SHISA9: variants seen among roughly 807,000 people sequenced by gnomAD.
SHISA9 encodes shisa family member 9.
SHISA9 carries 13 observed loss-of-function variants against 38.0 expected under a neutral mutation model. The ratio of observed to expected loss-of-function variants is 0.34; its 90% CI spans 0.22 to 0.54. The LOEUF (loss-of-function observed/expected upper bound fraction) is 0.54. Ranked by LOEUF, SHISA9 falls within the 20% of genes least tolerant of loss-of-function variation. The pLI, the probability that SHISA9 is intolerant of heterozygous loss-of-function variation, is 0.91. For synonymous variants in SHISA9, 275 were observed against 242.0 expected (o/e 1.14, Z -1.27); for missense variants, 538 against 575.8 (o/e 0.93, Z 0.67).
intron 2 of SHISA9, among the ~76,000 whole-genome samples, chr16:13,180,386 T>C (rs897705049): frequency 6.6e-6 from 1 of 152,150 alleles, no homozygotes; most frequent in African/African-American, 2.4e-5. Flanking sequence ...TGGCTGACCT[T>C]GGTGCTTAGA....
the SHISA9 span, among the ~76,000 whole-genome samples, chr16:13,320,287 T>C: frequency 2.5e-4 from 13 of 52,046 alleles, no homozygotes; most frequent in African/African-American, 3.8e-4. Context: ...AGCGAGACTC[T>C]GTCTCAAAAA....
chr16:13,081,140 T>A (rs2073644249), intron 2 of SHISA9, among the ~76,000 whole-genome samples: 1 of 152,258 alleles, frequency 6.6e-6, no homozygotes, highest in Non-Finnish European at 1.5e-5. Context: ...ATTGGGGTTT[T>A]CAAAACCATT....
At chr16:12,948,199 C>T (rs1338757767) in intron 2 of SHISA9, among the ~76,000 whole-genome samples, 1 of 152,186 alleles carries the variant, frequency 6.6e-6, no homozygotes, top group Non-Finnish European at 1.5e-5. Context: ...GAGATGTCTA[C>T]TCATTTGCTC....
At chr16:13,224,133 C>G (rs1195888167) in intron 4 of SHISA9, among the ~76,000 whole-genome samples, 1 of 152,212 alleles carries the variant, frequency 6.6e-6, no homozygotes, top group African/African-American at 2.4e-5. Context: ...ATAGAACACA[C>G]ACTTAAGAAA....
chr16:13,188,304 C>T (rs1318855144), intron 2 of SHISA9, among the ~76,000 whole-genome samples: 1 of 152,184 alleles, frequency 6.6e-6, no homozygotes, highest in African/African-American at 2.4e-5. Flanking sequence ...ACAGCAGGTG[C>T]CTGCAAAACA....
chr16:13,519,924 T>C, the SHISA9 span, among the ~76,000 whole-genome samples: 1 of 152,270 alleles, frequency 6.6e-6, no homozygotes, highest in East Asian at 1.9e-4. Flanking sequence ...CAGATGAGAT[T>C]TGGGTGGGGA....
At chr16:13,106,964 C>T (rs1001874804) in intron 2 of SHISA9, among the ~76,000 whole-genome samples, 1 of 84,834 alleles carries the variant, frequency 1.2e-5, no homozygotes, top group African/African-American at 4.2e-5. Flanking sequence ...CTCTTTCTCA[C>T]GTTCTCTCTC....
At chr16:13,278,849 A>AT in the SHISA9 span, among the ~76,000 whole-genome samples, 1 of 151,454 alleles carries the variant, frequency 6.6e-6, no homozygotes, top group Non-Finnish European at 1.5e-5. Flanking sequence ...AATTTTATTC[A>AT]TTTTTTCAAA....
intron 2 of SHISA9, among the ~76,000 whole-genome samples, chr16:12,994,895 C>T (rs1567175723): frequency 6.6e-6 from 1 of 152,040 alleles, no homozygotes; most frequent in Admixed American, 6.6e-5. Context: ...TCTGAGATAC[C>T]TGTGAGGTTC....
the SHISA9 span, among the ~76,000 whole-genome samples, chr16:13,312,459 G>T: frequency 1.3e-5 from 2 of 152,104 alleles, no homozygotes; most frequent in Non-Finnish European, 2.9e-5. Context: ...TTGAACACTT[G>T]CTGAAAATCA....
chr16:12,902,074 G>T lies in SHISA9; in HGVS notation c.10G>T (p.Val4Phe). The T allele has an allele frequency of 2.0e-6, 3 of 1,487,556 alleles. No homozygotes were observed. The highest frequency in any genetic ancestry group is 1.8e-6 in the Non-Finnish European group (2 of 1,127,424). The allele number at this position is 1,487,556 out of a possible 1,614,324, so 92.1% of individuals were successfully genotyped here. Residue 4 changes from valine (V) to phenylalanine (F), a missense_variant, in exon 1 of 5, where the codon GTC becomes TTC. This residue lies in a region of SHISA9 where 107 missense variants were observed against 103.0 expected (regional missense o/e 1.04). Transcript: ENST00000558583. ...CGGGCTGGGAGACACCATGCGCCGC[G>T]TCCTTCGGCTGCTCCTCGGTTGCTT... MRR[V>F]LRLLLGCFLT...
At chr16:13,078,315 A>G (rs2073607607) in intron 2 of SHISA9, among the ~76,000 whole-genome samples, 1 of 152,206 alleles carries the variant, frequency 6.6e-6, no homozygotes, top group Admixed American at 6.5e-5. Context: ...GTTACTTATA[A>G]TGACTAATAC....
At chr16:13,339,787 A>C in the SHISA9 span, among the ~76,000 whole-genome samples, 277 of 152,334 alleles carry the variant, frequency 1.8e-3, 1 homozygote, top group East Asian at 0.038. Flanking sequence ...CTTAACTCTG[A>C]GTGCCTCAGT....
At chr16:13,091,113 G>A (rs891009990) in intron 2 of SHISA9, among the ~76,000 whole-genome samples, 3 of 152,230 alleles carry the variant, frequency 2.0e-5, no homozygotes, top group African/African-American at 7.2e-5. Context: ...CTTTAAGAAT[G>A]TTGAATATTG....
At chr16:13,373,633 G>A in the SHISA9 span, among the ~76,000 whole-genome samples, 7 of 152,082 alleles carry the variant, frequency 4.6e-5, no homozygotes, top group African/African-American at 1.2e-4. Flanking sequence ...ATGGTAGCGG[G>A]CGCCTGTAGT....
the SHISA9 span, among the ~76,000 whole-genome samples, chr16:13,477,738 G>A: frequency 6.6e-6 from 1 of 152,206 alleles, no homozygotes; most frequent in Admixed American, 6.5e-5. Context: ...GCCGAGGCAG[G>A]TGGATCACTT....
chr16:13,409,611 G>T, the SHISA9 span, among the ~76,000 whole-genome samples: 32 of 152,272 alleles, frequency 2.1e-4, no homozygotes, highest in South Asian at 6.6e-3. Context: ...AGCTTATAGT[G>T]ACTTAACTAT....
intron 4 of SHISA9, among the ~76,000 whole-genome samples, chr16:13,232,842 T>G (rs1306316269): frequency 1.3e-5 from 2 of 152,208 alleles, no homozygotes; most frequent in African/African-American, 4.8e-5. Context: ...TGAAGTCTTA[T>G]AGTGGCAGCC....
At chr16:13,184,235 C>T (rs1448830073) in intron 2 of SHISA9, among the ~76,000 whole-genome samples, 1 of 152,144 alleles carries the variant, frequency 6.6e-6, no homozygotes, top group South Asian at 2.1e-4. Context: ...TAACTAATCA[C>T]CTGTAAACGT....
Sources: gnomAD v4.1 joint callset for allele counts (sites outside exome capture counted in the v4.1 genomes callset) on GRCh38, gnomAD v4.1.1 for gene constraint, gnomAD v4.1.1 regional missense constraint, MANE v1.5 for transcripts, NCBI Gene and HGNC (gene_info 2026-07-23, HGNC 2026-07-21) for gene names.